Variants in SPOCK3 observed in about 807,000 individuals in gnomAD.
The protein encoded by SPOCK3 is SPARC (osteonectin), cwcv and kazal like domains proteoglycan 3.
Under a neutral mutation model 56.6 loss-of-function variants are expected in SPOCK3, and 30 were observed. That is an observed-to-expected ratio of 0.53 (90% confidence interval 0.40 to 0.72). The LOEUF (loss-of-function observed/expected upper bound fraction) is 0.72. SPOCK3 is among the 30% of genes least tolerant of loss of function. SPOCK3 has a pLI of 0.00. For synonymous variants in SPOCK3, 196 were observed against 183.3 expected (o/e 1.07, Z -0.56); for missense variants, 527 against 530.0 (o/e 0.99, Z 0.06).
chr4:167,080,975 G>T (rs1286845070), intron 2 of SPOCK3, among the ~76,000 whole-genome samples: 1 of 150,398 alleles, frequency 6.6e-6, no homozygotes, highest in South Asian at 2.1e-4. Context: ...CCTCCTCCTG[G>T]GTTCAAGTGA....
At chr4:167,118,078 A>G (rs927447982) in intron 2 of SPOCK3, among the ~76,000 whole-genome samples, 2 of 152,136 alleles carry the variant, frequency 1.3e-5, no homozygotes, top group Non-Finnish European at 2.9e-5. Flanking sequence ...CCAACATATG[A>G]GCTCTGATCT....
intron 3 of SPOCK3, among the ~76,000 whole-genome samples, chr4:167,052,033 A>G (rs1481107499): frequency 6.6e-6 from 1 of 152,226 alleles, no homozygotes; most frequent in Non-Finnish European, 1.5e-5. Context: ...AAGTAAATCA[A>G]GCATTATATA....
At chr4:167,215,590 G>A (rs944266789) in intron 2 of SPOCK3, among the ~76,000 whole-genome samples, 1 of 152,200 alleles carries the variant, frequency 6.6e-6, no homozygotes, top group Non-Finnish European at 1.5e-5. Flanking sequence ...GTGGCGTGAA[G>A]ATAGGTGATA....
chr4:167,073,856 A>G (rs1192543052), intron 2 of SPOCK3, among the ~76,000 whole-genome samples: 1 of 151,904 alleles, frequency 6.6e-6, no homozygotes, highest in Non-Finnish European at 1.5e-5. Flanking sequence ...ATTCTTATCT[A>G]AAAGATTTGC....
intron 5 of SPOCK3, among the ~76,000 whole-genome samples, chr4:166,905,176 C>T (rs1455556532): frequency 6.6e-6 from 1 of 151,940 alleles, no homozygotes; most frequent in Non-Finnish European, 1.5e-5. Context: ...GCAATTACTA[C>T]AAATATTACT....
intron 2 of SPOCK3, among the ~76,000 whole-genome samples, chr4:167,218,694 T>C (rs1735603548): frequency 4.6e-5 from 7 of 152,300 alleles, no homozygotes; most frequent in East Asian, 1.9e-4. Context: ...GAATTAAACA[T>C]GTCATTCCCC....
intron 6 of SPOCK3, among the ~76,000 whole-genome samples, chr4:166,868,048 G>T (rs1732038138): frequency 6.6e-6 from 1 of 151,830 alleles, no homozygotes; most frequent in Admixed American, 6.6e-5. Flanking sequence ...CATTTCAGTT[G>T]TAATTTTAAG....
intron 7 of SPOCK3, among the ~76,000 whole-genome samples, chr4:166,776,371 C>T (rs1390197112): frequency 6.6e-6 from 1 of 152,082 alleles, no homozygotes; most frequent in African/African-American, 2.4e-5. Flanking sequence ...CGAGATTGCA[C>T]CACTGCACTC....
chr4:167,230,572 C>T (rs1737076241), intron 2 of SPOCK3, among the ~76,000 whole-genome samples: 1 of 147,822 alleles, frequency 6.8e-6, no homozygotes. Flanking sequence ...TGAGGGAGTT[C>T]TTATTTTATT....
chr4:166,939,084 T>C (rs1740777422), intron 4 of SPOCK3, among the ~76,000 whole-genome samples: 1 of 152,146 alleles, frequency 6.6e-6, no homozygotes, highest in Non-Finnish European at 1.5e-5. Flanking sequence ...TACAGTTAAA[T>C]GGCATGCTTG....
chr4:167,143,360 C>T (rs567162431), intron 2 of SPOCK3, among the ~76,000 whole-genome samples: 7 of 151,994 alleles, frequency 4.6e-5, no homozygotes, highest in African/African-American at 1.4e-4. Flanking sequence ...TTCAATTTCA[C>T]CTCCTGAATT....
intron 6 of SPOCK3, among the ~76,000 whole-genome samples, chr4:166,840,391 A>C (rs374382488): frequency 9.2e-5 from 14 of 152,212 alleles, no homozygotes; most frequent in African/African-American, 3.1e-4. Context: ...ATTTAGATGC[A>C]AGAGAGCAAT....
intron 2 of SPOCK3, among the ~76,000 whole-genome samples, chr4:167,162,009 G>C (rs188098990): frequency 6.6e-6 from 1 of 151,936 alleles, no homozygotes; most frequent in East Asian, 1.9e-4. Context: ...CCTGCACGTT[G>C]TGCACATGTA....
chr4:167,078,629 GAATAAT>G (rs542873033), intron 2 of SPOCK3, among the ~76,000 whole-genome samples: 1 of 150,690 alleles, frequency 6.6e-6, no homozygotes, highest in Admixed American at 6.7e-5. Context: ...AGTTTTCTTT[GAATAAT>G]AATAATAATA....
chr4:166,821,936 TATAGG>T (rs1432628149), intron 6 of SPOCK3, among the ~76,000 whole-genome samples: 13 of 152,066 alleles, frequency 8.5e-5, no homozygotes, highest in African/African-American at 3.1e-4. Flanking sequence ...TGTTATTGTT[TATAGG>T]ATAGATCAAT....
At chr4:166,743,454 A>T (rs1735141406) in intron 8 of SPOCK3, among the ~76,000 whole-genome samples, 1 of 152,128 alleles carries the variant, frequency 6.6e-6, no homozygotes, top group South Asian at 2.1e-4. Context: ...AAAAAAATTC[A>T]TCTTATAGAA....
chr4:167,229,502 C>G (rs1278552163), intron 2 of SPOCK3, among the ~76,000 whole-genome samples: 1 of 152,036 alleles, frequency 6.6e-6, no homozygotes, highest in African/African-American at 2.4e-5. Context: ...GATAGACCCT[C>G]GAGAATCTTT....
chr4:167,058,500 A>T (rs1423598218), intron 3 of SPOCK3, among the ~76,000 whole-genome samples: 1 of 152,202 alleles, frequency 6.6e-6, no homozygotes, highest in Admixed American at 6.5e-5. Context: ...GAAATAAAAG[A>T]GGATACAAAC....
intron 3 of SPOCK3, among the ~76,000 whole-genome samples, chr4:167,050,437 C>G (rs962309357): frequency 6.6e-6 from 1 of 151,854 alleles, no homozygotes; most frequent in African/African-American, 2.4e-5. Flanking sequence ...AAATTGGAAC[C>G]CTGTGGATTG....
Sources: allele counts gnomAD v4.1 joint callset (sites outside exome capture counted in the v4.1 genomes callset), GRCh38; gene constraint gnomAD v4.1.1; transcripts MANE v1.5; gene names NCBI Gene and HGNC (gene_info 2026-07-23, HGNC 2026-07-21).